The following HNF1B variants were observed in gnomAD, a reference collection of about 807,000 sequenced individuals.
HNF1B encodes the protein HNF1 homeobox B, also known as hepatocyte nuclear factor 1-beta.
HNF1B carries 8 observed loss-of-function variants against 61.7 expected under a neutral mutation model. The ratio of observed to expected loss-of-function variants is 0.13; its 90% CI spans 0.08 to 0.23. The LOEUF (loss-of-function observed/expected upper bound fraction) is 0.23. HNF1B is among the 10% of genes least tolerant of loss of function. HNF1B has a pLI of 1.00. For missense variants in HNF1B, 562 were observed against 714.5 expected, an observed-to-expected ratio of 0.79 and a Z score of 2.43; for synonymous variants, 314 against 287.7, an observed-to-expected ratio of 1.09 and a Z score of -0.93.
intron 4 of HNF1B, chr17:37,720,604 CAG>C (rs138942469): frequency 4.6e-5 from 8 of 175,390 alleles, no homozygotes; most frequent in Non-Finnish European, 3.4e-5. Context: ...ATTTATAAAA[CAG>C]GGGGTTTCTG....
At position 37,744,538 on chromosome 17, in the gene HNF1B, T is replaced by C; in HGVS notation, c.344+3A>G. On this transcript the variant is annotated splice_donor_region_variant and intron_variant, in intron 1 of 8. Coordinates refer to ENST00000617811, the MANE Select transcript of HNF1B (RefSeq NM_000458.4). ...GGTCCCCTCCACCTCGCTCTGCGCC[T>C]ACCTGAGCATCCGGTCCACCTCCGC... 6.2e-7 allele frequency: 1 copy of C among 1,601,624 alleles called. No homozygotes were observed. The highest frequency in any genetic ancestry group is 8.5e-7 in the Non-Finnish European group (1 of 1,179,774).
intron 3 of HNF1B, 106 bp from the exon 4 acceptor site, chr17:37,731,936 G>C: frequency 2.7e-6 from 2 of 741,480 alleles, no homozygotes; most frequent in South Asian, 1.6e-5. Flanking sequence ...GAGTATGAAG[G>C]GGCCGTGGGC....
At chr17:37,724,076 A>G (rs1157205988) in intron 4 of HNF1B, among the ~76,000 whole-genome samples, 2 of 152,182 alleles carry the variant, frequency 1.3e-5, no homozygotes, top group Non-Finnish European at 2.9e-5. Flanking sequence ...CAAATTACAC[A>G]GGTTGGGAGG....
At chr17:37,739,824 TACGGTACA>T (rs1246064867) in intron 1 of HNF1B, among the ~76,000 whole-genome samples, 185 bp from the exon 2 acceptor site, 5 of 152,152 alleles carry the variant, frequency 3.3e-5, no homozygotes, top group Middle Eastern at 3.2e-3. Context: ...ACTGCCCCTG[TACGGTACA>T]CCTCATCCCT....
chr17:37,705,971 T>C (rs1020005776), intron 5 of HNF1B, among the ~76,000 whole-genome samples: 6 of 152,184 alleles, frequency 3.9e-5, no homozygotes, highest in Admixed American at 3.3e-4. Context: ...ATTTTTTTCT[T>C]TTTTTGAGGT....
At chr17:37,697,444 C>T (rs1452528463) in intron 8 of HNF1B, among the ~76,000 whole-genome samples, 2 of 152,164 alleles carry the variant, frequency 1.3e-5, no homozygotes, top group African/African-American at 4.8e-5. Context: ...TGCAGCGTCT[C>T]AGGGAGCATC....
At chr17:37,709,445 G>T (rs1489065467) in intron 5 of HNF1B, among the ~76,000 whole-genome samples, 1 of 151,700 alleles carries the variant, frequency 6.6e-6, no homozygotes, top group Admixed American at 6.6e-5. Context: ...AATAGAGATG[G>T]TGTTTCGCCC....
intron 2 of HNF1B, among the ~76,000 whole-genome samples, chr17:37,735,938 T>A (rs922657539): frequency 3.9e-5 from 6 of 152,074 alleles, no homozygotes; most frequent in Non-Finnish European, 5.9e-5. Context: ...TTAAAAAAAA[T>A]TATTTTTGTA....
At chr17:37,716,897 C>T (rs918275414) in intron 4 of HNF1B, among the ~76,000 whole-genome samples, 6 of 147,802 alleles carry the variant, frequency 4.1e-5, no homozygotes, top group Non-Finnish European at 5.9e-5. Flanking sequence ...TGCCATAACT[C>T]TCTGATGATT....
chr17:37,732,883 G>C (rs537585720), intron 3 of HNF1B, among the ~76,000 whole-genome samples: 3 of 150,894 alleles, frequency 2.0e-5, no homozygotes, highest in Non-Finnish European at 4.4e-5. Context: ...GTTTCACCAT[G>C]TTGCCCAGGC....
chr17:37,744,464 G>A, intron 1 of HNF1B, 77 bp downstream of exon 1: 2 of 1,446,928 alleles, frequency 1.4e-6, no homozygotes, highest in Non-Finnish European at 1.9e-6. Context: ...GAGTGTGGTC[G>A]GGCGCAGTGT....
chr17:37,697,325 T>C (rs1457110280), intron 8 of HNF1B, among the ~76,000 whole-genome samples: 2 of 152,198 alleles, frequency 1.3e-5, no homozygotes, highest in Non-Finnish European at 2.9e-5. Context: ...TCCTGAAATG[T>C]CTGGGGACAT....
chr17:37,701,275 G>A (rs552030996), intron 6 of HNF1B, 98 bp from the exon 7 acceptor site: 64 of 1,192,032 alleles, frequency 5.4e-5, no homozygotes, highest in East Asian at 4.1e-4. Context: ...CCCAGTCACC[G>A]GGCTGAGCCT....
chr17:37,712,228 G>C (rs1004679842), intron 4 of HNF1B, among the ~76,000 whole-genome samples: 2 of 152,192 alleles, frequency 1.3e-5, no homozygotes, highest in African/African-American at 4.8e-5. Context: ...AGCTGCTAGT[G>C]GGGGTGGTGG....
chr17:37,708,229 T>C (rs2032815712), intron 5 of HNF1B, among the ~76,000 whole-genome samples: 2 of 152,176 alleles, frequency 1.3e-5, no homozygotes, highest in African/African-American at 2.4e-5. Context: ...GTTATTATAT[T>C]AACAAGAAAA....
chr17:37,744,056 C>T (rs781656614), intron 1 of HNF1B, among the ~76,000 whole-genome samples: 1 of 152,286 alleles, frequency 6.6e-6, no homozygotes, highest in Non-Finnish European at 1.5e-5. Flanking sequence ...GCCTGTCCTT[C>T]GGCAAAGAAC....
At chr17:37,728,408 G>A (rs1041977840) in intron 4 of HNF1B, among the ~76,000 whole-genome samples, 7 of 151,200 alleles carry the variant, frequency 4.6e-5, no homozygotes, top group Admixed American at 1.3e-4. Flanking sequence ...CTGGGTTCAC[G>A]CCATTCTCCT....
intron 4 of HNF1B, among the ~76,000 whole-genome samples, chr17:37,712,538 T>A (rs1342788560): frequency 6.6e-6 from 1 of 152,144 alleles, no homozygotes; most frequent in Admixed American, 6.5e-5. Flanking sequence ...GATTTGAACC[T>A]TATGAGCTCT....
chr17:37,724,189 G>A (rs999135859), intron 4 of HNF1B, among the ~76,000 whole-genome samples: 10 of 152,052 alleles, frequency 6.6e-5, no homozygotes, highest in African/African-American at 2.4e-4. Context: ...CAGAAACCCA[G>A]GCCTCACCCC....
Sources: allele counts gnomAD v4.1 joint callset (sites outside exome capture counted in the v4.1 genomes callset), GRCh38; gene constraint gnomAD v4.1.1; transcripts MANE v1.5; gene names NCBI Gene and HGNC (gene_info 2026-07-23, HGNC 2026-07-21).